SENP2: variants seen among roughly 807,000 people sequenced by gnomAD.
The protein encoded by SENP2 is sentrin-specific protease 2.
A neutral mutation model predicts 86.3 loss-of-function variants in SENP2; 16 were observed. The observed-to-expected ratio is 0.19, with a 90% CI of 0.13 to 0.28. SENP2 has a LOEUF of 0.28. Ranked by LOEUF, SENP2 falls within the 10% of genes least tolerant of loss-of-function variation. The pLI is 1.00. For missense variants in SENP2, 552 were observed against 703.0 expected (o/e 0.79, Z 2.43); for synonymous variants, 222 against 238.7 (o/e 0.93, Z 0.64).
chr3:185,592,439 T>C (rs1053098428), intron 2 of SENP2, among the ~76,000 whole-genome samples: 4 of 152,126 alleles, frequency 2.6e-5, no homozygotes, highest in Admixed American at 2.0e-4. Flanking sequence ...TATAATAATA[T>C]ATTCCTCTTT....
Position 185,609,289 on chromosome 3 carries a change from G to C in SENP2, c.661G>C (p.Glu221Gln), listed in dbSNP as rs746465236. The C allele has an allele frequency of 6.2e-7, 1 of 1,613,788 alleles. No individual in the cohort carries two copies. The highest frequency in any genetic ancestry group is 1.1e-5 in the South Asian group (1 of 91,048). The change falls in exon 7 of 17, where the codon GAA becomes CAA. Residue 221 changes from glutamate to glutamine, a missense_variant. Glu to Gln is a conservative substitution (Grantham distance 29, BLOSUM62 2). Around this residue, in one of 2 missense-constraint regions of SENP2, gnomAD observed 383 missense variants for 427.3 expected, o/e 0.90. Transcript: ENST00000296257. ...AAGAGAGAAGTACCGAAAGTTATTG[G>C]AACGACTTAAAGAAAGTGGTCATGG... ...EEREKYRKLL[E>Q]RLKESGHGNS...
chr3:185,617,144 TTAAG>T (rs1711648995), intron 11 of SENP2, among the ~76,000 whole-genome samples: 1 of 152,148 alleles, frequency 6.6e-6, no homozygotes, highest in South Asian at 2.1e-4. Flanking sequence ...CTTACAACAA[TTAAG>T]TAAGGCTGCT....
chr3:185,605,485 T>G (rs558670777), intron 5 of SENP2, among the ~76,000 whole-genome samples: 151 of 152,288 alleles, frequency 9.9e-4, no homozygotes, highest in African/African-American at 3.6e-3. Context: ...ATTTTTCTCT[T>G]ATAGCTTTTT....
intron 2 of SENP2, among the ~76,000 whole-genome samples, chr3:185,592,011 C>CTTTTTTTTTTTTTTTTTTTTTTTTTTTTT (rs149268515): frequency 3.0e-5 from 2 of 65,804 alleles, no homozygotes; most frequent in African/African-American, 5.8e-5. Context: ...GGTAATATTT[C>CTTTTTTTTTTTTTTTTTTTTTTTTTTTTT]TTTTTTTTTT....
rs770724311 is a variant in SENP2 at position 185,590,029 on chromosome 3, G to A, written c.102-85G>A. The A allele has an allele frequency of 1.7e-5, 12 of 696,426 alleles. 1 individual carries two copies. The highest frequency in any genetic ancestry group is 1.1e-4 in the South Asian group (5 of 47,146). The allele number at this position is 696,426 out of a possible 1,614,324, so 43.1% of individuals were successfully genotyped here. Reference sequence around the variant, plus strand: ...TATGACAAAGTGATAGAAGGGGGATGTGTTATATGAATAGTAAGTTTACTT... The same window carrying A: ...TATGACAAAGTGATAGAAGGGGGATATGTTATATGAATAGTAAGTTTACTT... On this transcript the variant is annotated intron_variant, in intron 1 of 16. Transcript: ENST00000296257.
At chr3:185,607,882 G>A (rs1722570553) in intron 6 of SENP2, among the ~76,000 whole-genome samples, 1 of 152,146 alleles carries the variant, frequency 6.6e-6, no homozygotes, top group African/African-American at 2.4e-5. Context: ...GGAAGTAAAT[G>A]GTGTGCATCT....
In SENP2 at chr3:185,611,649, A is replaced by C. The variant is rs773207440; in HGVS notation, c.723-2A>C. The C allele has an allele frequency of 3.7e-6, 6 of 1,608,350 alleles. No individual in the cohort carries two copies. In the South Asian group the frequency reaches 5.5e-5, roughly 15 times the overall value. ...ATCTCCCTCACTTTTTGTGTTTCTA[A>C]GTTCTCAAAGAAGTCAGATGGACAC... On this transcript the variant is annotated splice_acceptor_variant, in intron 7 of 16. Transcript: ENST00000296257. LOFTEE classifies it high-confidence loss of function.
At chr3:185,610,726 G>A (rs1722660052) in intron 7 of SENP2, among the ~76,000 whole-genome samples, 1 of 152,058 alleles carries the variant, frequency 6.6e-6, no homozygotes, top group South Asian at 2.1e-4. Context: ...GGGAGGCCGA[G>A]GTGGACGGAT....
intron 4 of SENP2, 88 bp from the exon 5 acceptor site, chr3:185,600,677 G>T (rs1722315904): frequency 2.5e-6 from 2 of 797,520 alleles, no homozygotes; most frequent in Non-Finnish European, 2.2e-6. Context: ...CTATGATGTA[G>T]GTTGCTCACA....
intron 5 of SENP2, 21 bp from the exon 6 acceptor site, chr3:185,606,309 C>CTTT: frequency 6.5e-7 from 1 of 1,541,858 alleles, no homozygotes; most frequent in East Asian, 2.3e-5. Context: ...TACTTTTTTT[C>CTTT]TTTTTTTTTC....
chr3:185,614,218 G>T (rs1711513861), intron 10 of SENP2, among the ~76,000 whole-genome samples: 1 of 152,192 alleles, frequency 6.6e-6, no homozygotes, highest in Admixed American at 6.5e-5. Context: ...TGAGTGATGG[G>T]ATTGTGGGTC....
intron 7 of SENP2, among the ~76,000 whole-genome samples, chr3:185,610,495 T>C (rs1722652533): frequency 6.6e-6 from 1 of 151,908 alleles, no homozygotes; most frequent in Admixed American, 6.6e-5. Flanking sequence ...AAATAACAGA[T>C]TGTTTGCGAA....
Position 185,611,689 on chromosome 3 carries a change from G to T in SENP2, c.761G>T (p.Gly254Val). Residue 254 changes from glycine (G) to valine (V), a missense_variant, in exon 8 of 17, where the codon GGC becomes GTC. Gly to Val is a moderately radical substitution (Grantham distance 109, BLOSUM62 -3). Transcript: ENST00000296257. ...CAGATGGACACATTAAAGACCAAAGGCTGGGGGGAAGAGCAAAATCACGGA... is the reference window on the plus strand; with the variant it reads ...CAGATGGACACATTAAAGACCAAAGTCTGGGGGGAAGAGCAAAATCACGGA... ...RSQMDTLKTK[G>V]WGEEQNHGVK... 1 of 1,613,652 alleles carries T rather than the reference G, an allele frequency of 6.2e-7. No homozygotes were observed.
chr3:185,603,300 G>A (rs1159211682), intron 5 of SENP2, among the ~76,000 whole-genome samples: 2 of 152,180 alleles, frequency 1.3e-5, no homozygotes, highest in Non-Finnish European at 2.9e-5. Flanking sequence ...GAAGTTGCCA[G>A]CAGTTGGACA....
chr3:185,612,722 A>G, intron 9 of SENP2, 64 bp downstream of exon 9: 1 of 1,172,176 alleles, frequency 8.5e-7, no homozygotes, highest in East Asian at 2.5e-5. Flanking sequence ...TATAAGCTGT[A>G]TTTATGAGTA....
intron 16 of SENP2, among the ~76,000 whole-genome samples, chr3:185,629,483 G>T (rs575366160): frequency 5.3e-5 from 8 of 151,624 alleles, no homozygotes; most frequent in African/African-American, 1.9e-4. Context: ...GAGACTGAGG[G>T]ACAAGAATCG....
intron 12 of SENP2, 44 bp from the exon 13 acceptor site, chr3:185,619,255 T>C (rs1256199137): frequency 7.2e-7 from 1 of 1,380,272 alleles, no homozygotes; most frequent in South Asian, 1.2e-5. Flanking sequence ...GTTTTGATAA[T>C]ATGTTTGCCA....
chr3:185,592,007 ATTTCTTTTT>A (rs1339352484), intron 2 of SENP2, among the ~76,000 whole-genome samples: 2 of 35,116 alleles, frequency 5.7e-5, no homozygotes, highest in South Asian at 8.1e-4. Flanking sequence ...AACCGGTAAT[ATTTCTTTTT>A]TTTTTTTTTT....
chr3:185,620,779 A>G (rs529765271), intron 13 of SENP2, among the ~76,000 whole-genome samples: 1 of 152,024 alleles, frequency 6.6e-6, no homozygotes, highest in Admixed American at 6.6e-5. Flanking sequence ...GAGTCTTAGT[A>G]TGCATAAGGG....
Sources: allele counts gnomAD v4.1 joint callset (sites outside exome capture counted in the v4.1 genomes callset), GRCh38; gene constraint gnomAD v4.1.1; regional missense constraint gnomAD v4.1.1; transcripts MANE v1.5; gene names NCBI Gene and HGNC (gene_info 2026-07-23, HGNC 2026-07-21).